The following SNTB1 variants were observed in gnomAD, a reference collection of about 807,000 sequenced individuals.
SNTB1 encodes syntrophin beta 1, also known as beta-1-syntrophin.
In SNTB1, 36 loss-of-function variants were observed where a neutral mutation model predicts 48.9. The observed-to-expected ratio is 0.74, with a 90% CI of 0.56 to 0.97. The LOEUF is 0.97. SNTB1 is among the 50% of genes least tolerant of loss of function. The pLI is 0.00. For missense variants in SNTB1, 786 were observed against 703.4 expected (o/e 1.12, Z -1.33); for synonymous variants, 299 against 294.6 (o/e 1.01, Z -0.15).
In SNTB1 at chr8:120,811,840, C is replaced by T. The variant is rs1000573666; in HGVS notation, c.4G>A (p.Ala2Thr). ...GCCGCCGCCGCCGCCGCCGCTACCG[C>T]CATCTTTCCGGCATTCTTAAAATGC... The part of the protein sequence containing the change: M[A>T]VAAAAAAAGP... The change falls in exon 1 of 7, where the codon GCG becomes ACG. Residue 2 changes from alanine (A) to threonine (T), a missense_variant. Coordinates refer to ENST00000517992, the MANE Select transcript of SNTB1 (RefSeq NM_021021.4). 1.5e-6 allele frequency: 2 copies of T among 1,346,482 alleles called. No homozygotes were observed. Among genetic ancestry groups the T allele is most frequent in the African/African-American group, 3.1e-5 (2 of 64,824 alleles). The allele number at this position is 1,346,482 out of a possible 1,614,324, so 83.4% of individuals were successfully genotyped here.
intron 1 of SNTB1, among the ~76,000 whole-genome samples, chr8:120,716,948 C>G (rs1036434340): frequency 1.3e-5 from 2 of 152,124 alleles, no homozygotes; most frequent in Non-Finnish European, 2.9e-5. Context: ...AGTACTCCAG[C>G]CAAATGAGCT....
chr8:120,788,477 G>C (rs759445136), intron 1 of SNTB1, among the ~76,000 whole-genome samples: 5 of 152,050 alleles, frequency 3.3e-5, no homozygotes, highest in Non-Finnish European at 2.9e-5. Context: ...CCAAATATCT[G>C]CTGTCTTCAA....
intron 1 of SNTB1, among the ~76,000 whole-genome samples, chr8:120,762,714 G>T (rs971114184): frequency 2.6e-5 from 4 of 151,962 alleles, no homozygotes; most frequent in Admixed American, 2.0e-4. Flanking sequence ...AAAACCTAAG[G>T]CTATGGTCTT....
At chr8:120,577,508 G>A (rs1815970575) in intron 3 of SNTB1, among the ~76,000 whole-genome samples, 1 of 152,080 alleles carries the variant, frequency 6.6e-6, no homozygotes, top group Non-Finnish European at 1.5e-5. Flanking sequence ...GGGGAAGGGG[G>A]TTCAGAATAA....
At chr8:120,723,330 C>A (rs1275968933) in intron 1 of SNTB1, among the ~76,000 whole-genome samples, 1 of 152,102 alleles carries the variant, frequency 6.6e-6, no homozygotes, top group Non-Finnish European at 1.5e-5. Context: ...CGTACATATA[C>A]ACATATATAC....
At chr8:120,781,260 T>C (rs1400328552) in intron 1 of SNTB1, among the ~76,000 whole-genome samples, 1 of 152,194 alleles carries the variant, frequency 6.6e-6, no homozygotes, top group Non-Finnish European at 1.5e-5. Flanking sequence ...GAGCTAAATA[T>C]GGAAACTGTT....
chr8:120,542,987 C>A (rs575581973), intron 5 of SNTB1, among the ~76,000 whole-genome samples: 1 of 152,126 alleles, frequency 6.6e-6, no homozygotes, highest in East Asian at 1.9e-4. Context: ...ACCCTGAGTG[C>A]GGCATCCAGG....
chr8:120,796,497 C>A (rs1242748986), intron 1 of SNTB1, among the ~76,000 whole-genome samples: 2 of 151,874 alleles, frequency 1.3e-5, no homozygotes. Flanking sequence ...GAGAGGAGAG[C>A]CATAAATCAA....
chr8:120,541,818 C>T lies in SNTB1; in HGVS notation c.1516G>A (p.Gly506Arg), dbSNP rs760827755. The T allele has an allele frequency of 1.2e-5, 20 of 1,610,640 alleles. No individual in the cohort carries two copies. The highest frequency in any genetic ancestry group is 1.6e-5 in the Non-Finnish European group (19 of 1,178,432). ...MLYLDFGGKD[G>R]EIQLDLHSCP... ...AAGAAAAGTACACTTACAATCTCTC[C>T]ATCTTTGCCTCCAAAATCTAAATAC... Residue 506 changes from glycine to arginine, a missense_variant, in exon 6 of 7, where the codon GGA (glycine) becomes AGA (arginine). Physicochemically the swap from Gly to Arg is moderately radical, Grantham distance 125. Transcript: ENST00000517992.
chr8:120,773,635 T>C (rs1244058691), intron 1 of SNTB1, among the ~76,000 whole-genome samples: 2 of 152,148 alleles, frequency 1.3e-5, no homozygotes, highest in Non-Finnish European at 2.9e-5. Context: ...CAAATAATTA[T>C]GATACAGCAG....
intron 1 of SNTB1, among the ~76,000 whole-genome samples, chr8:120,775,966 G>T (rs1239995691): frequency 2.0e-5 from 3 of 152,148 alleles, no homozygotes; most frequent in African/African-American, 7.2e-5. Context: ...GTATACATGT[G>T]CCATGTTGGT....
At chr8:120,764,944 A>C (rs1819492032) in intron 1 of SNTB1, among the ~76,000 whole-genome samples, 1 of 152,172 alleles carries the variant, frequency 6.6e-6, no homozygotes, top group Non-Finnish European at 1.5e-5. Context: ...AAAAACTCAC[A>C]GCTGGGGGCA....
chr8:120,700,108 T>C (rs1026508428), intron 1 of SNTB1, among the ~76,000 whole-genome samples: 3 of 152,100 alleles, frequency 2.0e-5, no homozygotes, highest in African/African-American at 2.4e-5. Context: ...CTACAGTCCT[T>C]AGGTTCAACC....
At chr8:120,667,787 C>A (rs1231574221) in intron 2 of SNTB1, among the ~76,000 whole-genome samples, 4 of 151,972 alleles carry the variant, frequency 2.6e-5, no homozygotes, top group Non-Finnish European at 5.9e-5. Flanking sequence ...ACCATTTGGT[C>A]TTTTCAGGTA....
intron 1 of SNTB1, among the ~76,000 whole-genome samples, chr8:120,794,515 A>G (rs1030148003): frequency 2.6e-5 from 4 of 152,048 alleles, no homozygotes; most frequent in Non-Finnish European, 5.9e-5. Context: ...TCAAGTATAT[A>G]AAAATATGTA....
intron 2 of SNTB1, among the ~76,000 whole-genome samples, chr8:120,645,859 C>G: frequency 3.4e-5 from 2 of 58,924 alleles, no homozygotes; most frequent in African/African-American, 1.4e-4. Context: ...GTTTGTAGTT[C>G]TCCTTGAAGA....
At position 120,772,991 on chromosome 8, in the gene SNTB1, A is replaced by G. The variant is rs189350368; in HGVS notation, c.571+38282T>C. On this transcript the variant is annotated intron_variant, in intron 1 of 6. Transcript: ENST00000517992. ...ACAGATCACAGGAGGGAGGTAGTCC[A>G]GTCCCCTATCATTTACATGTCAACT... Among the ~76,000 whole-genome samples, 19 of 152,348 alleles carry G rather than the reference A, an allele frequency of 1.2e-4. 1 individual carries two copies. The highest frequency in any genetic ancestry group is 3.4e-3 in the Middle Eastern group (1 of 294).
chr8:120,697,788 T>C (rs1818236247), intron 1 of SNTB1, among the ~76,000 whole-genome samples: 1 of 152,146 alleles, frequency 6.6e-6, no homozygotes, highest in South Asian at 2.1e-4. Context: ...AAATGAAACC[T>C]TGAGAGAATC....
intron 1 of SNTB1, among the ~76,000 whole-genome samples, chr8:120,755,312 A>G (rs1224008176): frequency 6.6e-6 from 1 of 151,256 alleles, no homozygotes; most frequent in Non-Finnish European, 1.5e-5. Flanking sequence ...AAACACTAAC[A>G]TAATAAGGCA....
Sources: gnomAD v4.1 joint callset for allele counts (sites outside exome capture counted in the v4.1 genomes callset) on GRCh38, gnomAD v4.1.1 for gene constraint, MANE v1.5 for transcripts, NCBI Gene and HGNC (gene_info 2026-07-23, HGNC 2026-07-21) for gene names.